SH3D19: variants seen among roughly 807,000 people sequenced by gnomAD.
The protein encoded by SH3D19 is SH3 domain-containing protein 19.
SH3D19 carries 58 observed loss-of-function variants against 112.1 expected under a neutral mutation model. The ratio of observed to expected loss-of-function variants is 0.52; its 90% confidence interval spans 0.42 to 0.64. The LOEUF is 0.64. SH3D19 is among the 30% of genes least tolerant of loss of function. The pLI, the probability that SH3D19 is intolerant of heterozygous loss-of-function variation, is 0.00. For synonymous variants in SH3D19, 391 were observed against 448.5 expected, an observed-to-expected ratio of 0.87 and a Z score of 1.62; for missense variants, 1,090 against 1,263.4, an observed-to-expected ratio of 0.86 and a Z score of 2.08.
At position 151,122,310 on chromosome 4, in the gene SH3D19, A is replaced by G; in HGVS notation, c.3028-103T>C. ...ATGAATAATCTTCTCTGTATAACTCATTTATCTTGATTGTTGAGAATTAAA... is the reference window on the plus strand; with the variant it reads ...ATGAATAATCTTCTCTGTATAACTCGTTTATCTTGATTGTTGAGAATTAAA... On this transcript the variant is annotated intron_variant, in intron 19 of 19. Transcript: ENST00000604030. 4 of 642,368 alleles carry G rather than the reference A, an allele frequency of 6.2e-6. No homozygotes were observed. In the South Asian group the frequency reaches 8.0e-5, roughly 13 times the overall value. 39.8% of individuals were successfully genotyped at this position (642,368 alleles called of 1,614,324 possible).
chr4:151,156,337 C>T (rs1295586968), intron 9 of SH3D19, among the ~76,000 whole-genome samples: 4 of 152,000 alleles, frequency 2.6e-5, no homozygotes, highest in African/African-American at 7.2e-5. Context: ...AAAACTTGTA[C>T]GGAACCGCAA....
intron 19 of SH3D19, among the ~76,000 whole-genome samples, chr4:151,125,845 C>CAAAAAAAAAAAAAAAAAAAAAAAA (rs66688611): frequency 2.1e-5 from 2 of 94,238 alleles, no homozygotes; most frequent in Admixed American, 1.4e-4. Context: ...ATCTCAAAAA[C>CAAAAAAAAAAAAAAAAAAAAAAAA]AAAAAAAAAA....
At chr4:151,229,840 G>C (rs151009807) in intron 1 of SH3D19, among the ~76,000 whole-genome samples, 1,631 of 152,260 alleles carry the variant, frequency 0.011, 29 homozygotes, top group African/African-American at 0.036. Context: ...ACTTGAGCTC[G>C]GGAGATGAAG....
rs923618921 is a variant in SH3D19 at position 151,280,440 on chromosome 4, T to C, written c.112+44801A>G. ...TGATTGCAGCTGCAGCTCACCTTGA[T>C]TGCAGCCACATGAGAAACCTTGAGT... is the stretch of plus-strand genomic sequence containing the variant. On this transcript the variant is annotated intron_variant, in intron 1 of 19. Transcript: ENST00000604030. Among the ~76,000 whole-genome samples the C allele has an allele frequency of 9.9e-5, 15 of 152,276 alleles. 1 individual carries two copies. Among genetic ancestry groups the C allele is most frequent in the East Asian group, 7.7e-4 (4 of 5,182 alleles).
chr4:151,160,473 C>T (rs1238327377), intron 8 of SH3D19, among the ~76,000 whole-genome samples: 1 of 152,128 alleles, frequency 6.6e-6, no homozygotes, highest in Non-Finnish European at 1.5e-5. Flanking sequence ...CAAACCACAC[C>T]CACATCAGTG....
At chr4:151,324,996 C>A (rs922775265) in intron 1 of SH3D19, among the ~76,000 whole-genome samples, 2 of 152,108 alleles carry the variant, frequency 1.3e-5, no homozygotes, top group East Asian at 3.9e-4. Context: ...TTAGTGTGCA[C>A]GGAAAATTTG....
chr4:151,275,008 A>T (rs1158450710), intron 1 of SH3D19, among the ~76,000 whole-genome samples: 2 of 152,124 alleles, frequency 1.3e-5, no homozygotes, highest in African/African-American at 4.8e-5. Flanking sequence ...ACCTCTTTTT[A>T]ATATAATTAC....
At position 151,246,041 on chromosome 4, in the gene SH3D19, C is replaced by CA. The variant is rs34182905; in HGVS notation, c.113-19956dup. On this transcript the variant is annotated intron_variant, in intron 1 of 19. Transcript: ENST00000604030. Reference sequence around the variant, plus strand: ...ACTTTATAACCCCATTGAAGACATACAAAAAAAAAAAAAAAGGCTGAAATA... The same window carrying CA: ...ACTTTATAACCCCATTGAAGACATACAAAAAAAAAAAAAAAAGGCTGAAATA... Among the ~76,000 whole-genome samples, 662 of 75,558 alleles carry CA rather than the reference C, an allele frequency of 8.8e-3. 4 individuals carry two copies. Among genetic ancestry groups the CA allele is most frequent in the African/African-American group, 0.022 (448 of 20,578 alleles). 49.6% of individuals were successfully genotyped at this position (75,558 alleles called of 152,430 possible).
At chr4:151,147,860 A>G in intron 11 of SH3D19, 62 bp downstream of exon 11, 2 of 1,503,378 alleles carry the variant, frequency 1.3e-6, no homozygotes, top group Non-Finnish European at 1.8e-6. Context: ...AGGAATGATG[A>G]ATCGTATATA....
At chr4:151,211,940 G>A (rs2149908772) in intron 2 of SH3D19, among the ~76,000 whole-genome samples, 1 of 152,344 alleles carries the variant, frequency 6.6e-6, no homozygotes, top group Admixed American at 6.5e-5. Flanking sequence ...AGCAGATCTA[G>A]CTAACATGAT....
At chr4:151,144,441 C>T in intron 11 of SH3D19, 1 of 651,342 alleles carries the variant, frequency 1.5e-6, no homozygotes, top group East Asian at 2.7e-5. Flanking sequence ...TCAATGGAGC[C>T]TGCCATTTCT....
rs567124039 is a variant in SH3D19 at position 151,254,417 on chromosome 4, G to T, written c.113-28331C>A. On this transcript the variant is annotated intron_variant, in intron 1 of 19. Coordinates refer to ENST00000604030, the MANE Select transcript of SH3D19 (RefSeq NM_001378122.1). ...GACAATAGTGGAGGGAAGGTCAGCA[G>T]ATAAACAAGTGAACAAAGGTCTCTG... 2.7e-5 allele frequency among the ~76,000 whole-genome samples: 4 copies of T among 149,896 alleles called. No individual in the cohort carries two copies. In the East Asian group the frequency reaches 5.8e-4, roughly 22 times the overall value.
intron 1 of SH3D19, among the ~76,000 whole-genome samples, chr4:151,251,411 G>A (rs951461910): frequency 1.1e-4 from 17 of 151,942 alleles, no homozygotes; most frequent in African/African-American, 4.1e-4. Context: ...TGTTGGTCAG[G>A]CTGGTCTCGA....
At chr4:151,125,286 C>A (rs1222005872) in intron 19 of SH3D19, among the ~76,000 whole-genome samples, 1 of 151,788 alleles carries the variant, frequency 6.6e-6, no homozygotes, top group African/African-American at 2.4e-5. Flanking sequence ...CTGGGTGAGA[C>A]CCAGTCTCTA....
intron 17 of SH3D19, among the ~76,000 whole-genome samples, chr4:151,130,755 G>A (rs890283548): frequency 1.3e-5 from 2 of 152,052 alleles, no homozygotes; most frequent in African/African-American, 4.8e-5. Flanking sequence ...GCCTGGCCAA[G>A]ACGGTAAAAC....
chr4:151,291,597 T>C, intron 1 of SH3D19: 1 of 615,092 alleles, frequency 1.6e-6, no homozygotes, highest in Non-Finnish European at 2.8e-6. Flanking sequence ...ACATTCTTTG[T>C]CCTTGACTAA....
chr4:151,177,517 T>G (rs372046232), intron 4 of SH3D19, among the ~76,000 whole-genome samples: 30 of 152,164 alleles, frequency 2.0e-4, no homozygotes, highest in Middle Eastern at 3.4e-3. Flanking sequence ...CCCAGCTAAT[T>G]TTTGTATTTT....
At chr4:151,198,316 AAAT>A (rs1216619376) in intron 2 of SH3D19, among the ~76,000 whole-genome samples, 8 of 79,492 alleles carry the variant, frequency 1.0e-4, no homozygotes, top group Non-Finnish European at 2.5e-4. Context: ...AAAAAAAAAA[AAAT>A]ATATATATAA....
chr4:151,147,889 T>C (rs1186375624), intron 11 of SH3D19, 33 bp downstream of exon 11: 2 of 1,565,530 alleles, frequency 1.3e-6, no homozygotes, highest in Non-Finnish European at 1.7e-6. Context: ...GGCACACCTC[T>C]TGACCACAAA....
Sources: gnomAD v4.1 joint callset for allele counts (sites outside exome capture counted in the v4.1 genomes callset) on GRCh38, gnomAD v4.1.1 for gene constraint, MANE v1.5 for transcripts, NCBI Gene and HGNC (gene_info 2026-07-23, HGNC 2026-07-21) for gene names.